PLCE1: variants seen among roughly 807,000 people sequenced by gnomAD.
The protein encoded by PLCE1 is 1-phosphatidylinositol 4,5-bisphosphate phosphodiesterase epsilon-1.
A neutral mutation model predicts 242.8 loss-of-function variants in PLCE1; 119 were observed. The ratio of observed to expected loss-of-function variants is 0.49; its 90% CI spans 0.42 to 0.57. PLCE1 has a LOEUF of 0.57. PLCE1 is among the 20% of genes least tolerant of loss of function. The pLI is 0.00. For missense variants in PLCE1, 2,441 were observed against 2,788.8 expected, an observed-to-expected ratio of 0.88 and a Z score of 2.81; for synonymous variants, 945 against 1,017.4, an observed-to-expected ratio of 0.93 and a Z score of 1.35.
chr10:94,150,275 T>C (rs1279893903), intron 3 of PLCE1, among the ~76,000 whole-genome samples: 1 of 152,230 alleles, frequency 6.6e-6, no homozygotes, highest in Non-Finnish European at 1.5e-5. Context: ...GGGAAAACTG[T>C]GACTTAGAGG....
chr10:94,061,985 C>T (rs997973328), intron 2 of PLCE1, among the ~76,000 whole-genome samples: 3 of 152,176 alleles, frequency 2.0e-5, no homozygotes, highest in African/African-American at 7.2e-5. Flanking sequence ...GTTTCTTGAC[C>T]TTTGTGTCTC....
intron 29 of PLCE1, among the ~76,000 whole-genome samples, chr10:94,320,230 TAA>T (rs1327353108): frequency 2.0e-5 from 3 of 152,096 alleles, no homozygotes; most frequent in Non-Finnish European, 4.4e-5. Context: ...TCATTTTATG[TAA>T]AAAGAGACAA....
intron 2 of PLCE1, among the ~76,000 whole-genome samples, chr10:94,057,873 G>A (rs151002542): frequency 6.6e-6 from 1 of 152,158 alleles, no homozygotes; most frequent in East Asian, 1.9e-4. Context: ...TTGTTGGCAG[G>A]GTTCATTTCC....
At chr10:94,313,006 C>A (rs1035106094) in intron 27 of PLCE1, among the ~76,000 whole-genome samples, 2 of 152,156 alleles carry the variant, frequency 1.3e-5, no homozygotes, top group Non-Finnish European at 2.9e-5. Flanking sequence ...CAGATAATAT[C>A]AGCCTCTAAT....
chr10:94,317,601 G>C (rs1360174383), intron 29 of PLCE1, among the ~76,000 whole-genome samples: 3 of 152,142 alleles, frequency 2.0e-5, no homozygotes, highest in African/African-American at 4.8e-5. Context: ...ATCTTGGCCT[G>C]AGTCAGAATT....
chr10:94,050,546 T>A (rs898526625), intron 2 of PLCE1, among the ~76,000 whole-genome samples: 4 of 152,074 alleles, frequency 2.6e-5, no homozygotes, highest in Non-Finnish European at 4.4e-5. Flanking sequence ...CCTGGCCATT[T>A]AACAAAACCT....
intron 24 of PLCE1, among the ~76,000 whole-genome samples, chr10:94,300,906 T>C (rs2053010848): frequency 6.7e-6 from 1 of 149,460 alleles, no homozygotes; most frequent in African/African-American, 2.5e-5. Context: ...ACTAAAAATA[T>C]TAAAACAAAA....
At chr10:94,225,272 A>G (rs1589378387) in intron 4 of PLCE1, 1 of 152,238 alleles carries the variant, frequency 6.6e-6, no homozygotes, top group Admixed American at 6.5e-5. Flanking sequence ...CTTTAGTCAT[A>G]TTTTGGACTC....
chr10:94,283,595 T>G (rs936237930), intron 20 of PLCE1, 195 bp from the exon 21 acceptor site: 3 of 491,696 alleles, frequency 6.1e-6, no homozygotes, highest in Non-Finnish European at 1.1e-5. Flanking sequence ...ATAAATCAAT[T>G]AAATTGAAAA....
intron 1 of PLCE1, among the ~76,000 whole-genome samples, chr10:93,996,204 C>T (rs2060818041): frequency 6.6e-6 from 1 of 152,314 alleles, no homozygotes; most frequent in East Asian, 1.9e-4. Flanking sequence ...GTCTTAATGC[C>T]TTCTCTCTCT....
Position 94,262,667 on chromosome 10 carries a change from A to G in PLCE1, c.3988A>G (p.Asn1330Asp), listed in dbSNP as rs755190924. The G allele has an allele frequency of 5.0e-6, 8 of 1,614,032 alleles. No individual in the cohort carries two copies. The South Asian group carries it at 7.7e-5, about 16-fold the overall frequency. The change falls in exon 14 of 33, where the codon AAC becomes GAC. Residue 1330 changes from asparagine (N) to aspartate (D), a missense_variant. Asn to Asp is a conservative substitution (Grantham distance 23). Transcript: ENST00000371380. ...GIFGVGILQL[N>D]DFLVNCQGEH... Reference sequence around the variant, plus strand: ...TTTTGGGGTGGGCATACTTCAGCTCAACGATTTCCTCGTGAATTGCCAAGG... The same window carrying G: ...TTTTGGGGTGGGCATACTTCAGCTCGACGATTTCCTCGTGAATTGCCAAGG...
chr10:94,223,219 A>G (rs1804467933), intron 4 of PLCE1, among the ~76,000 whole-genome samples: 1 of 131,552 alleles, frequency 7.6e-6, no homozygotes, highest in African/African-American at 2.9e-5. Context: ...CAACATAGTG[A>G]TACTCCATCT....
intron 2 of PLCE1, among the ~76,000 whole-genome samples, chr10:94,110,987 C>T (rs1325294443): frequency 6.6e-6 from 1 of 152,218 alleles, no homozygotes; most frequent in Non-Finnish European, 1.5e-5. Flanking sequence ...TGTCTCCACA[C>T]ATTGCCAAAT....
rs1030639507 is a variant in PLCE1, at chr10:94,254,428, C to T, written c.3397+121C>T. On this transcript the variant is annotated intron_variant, in intron 10 of 32. Transcript: ENST00000371380. ...AACATTTCTAACAAAACTCTTTGTC[C>T]TAACCAGACAATGAAACCTAAAGGT... The T allele has an allele frequency of 2.5e-5, 19 of 755,982 alleles. No individual in the cohort carries two copies. In the African/African-American group the frequency reaches 3.1e-4, roughly 12 times the overall value. The allele number at this position is 755,982 out of a possible 1,614,324, so 46.8% of individuals were successfully genotyped here.
chr10:94,117,495 T>G (rs74151047), intron 2 of PLCE1, among the ~76,000 whole-genome samples: 11,665 of 152,226 alleles, frequency 0.077, 1,454 homozygotes, highest in African/African-American at 0.26. Context: ...TTGCACTGAC[T>G]TCATTTGTGC....
intron 3 of PLCE1, among the ~76,000 whole-genome samples, chr10:94,159,781 AC>A (rs776109620): frequency 2.6e-4 from 39 of 151,646 alleles, no homozygotes; most frequent in Non-Finnish European, 5.3e-4. Flanking sequence ...CCCCCTCCCC[AC>A]AACAGGCCCC....
intron 4 of PLCE1, among the ~76,000 whole-genome samples, chr10:94,190,316 TAATG>T (rs900183702): frequency 1.9e-4 from 29 of 152,086 alleles, no homozygotes; most frequent in African/African-American, 6.5e-4. Context: ...TTTAAAAAGA[TAATG>T]AATCCTGGCT....
chr10:94,087,651 C>G (rs1186064520), intron 2 of PLCE1, among the ~76,000 whole-genome samples: 2 of 152,008 alleles, frequency 1.3e-5, no homozygotes, highest in African/African-American at 4.8e-5. Flanking sequence ...CCATGTTGCC[C>G]AGGAAGGCCT....
At position 94,031,814 on chromosome 10, in the gene PLCE1, T is replaced by C; in HGVS notation, c.768T>C (p.Cys256=). ...NKNEQLQCDH[C]DTLNDKYFCF... ...ATGAGCAGCTGCAGTGTGATCATTG[T>C]GACACCTTGAATGATAAATACTTTT... The change falls in exon 2 of 33, where the codon TGT becomes TGC. Residue 256 remains cysteine (C), a synonymous_variant. Transcript: ENST00000371380. 1.2e-6 allele frequency: 2 copies of C among 1,613,878 alleles called. No homozygotes were observed. Among genetic ancestry groups the C allele is most frequent in the Non-Finnish European group, 1.7e-6 (2 of 1,179,866 alleles).
Sources: gnomAD v4.1 joint callset for allele counts (sites outside exome capture counted in the v4.1 genomes callset) on GRCh38, gnomAD v4.1.1 for gene constraint, MANE v1.5 for transcripts, NCBI Gene and HGNC (gene_info 2026-07-23, HGNC 2026-07-21) for gene names.